SLC16A7: variants seen among roughly 807,000 people sequenced by gnomAD.
SLC16A7 encodes solute carrier family 16 member 7.
Under a neutral mutation model 34.9 loss-of-function variants are expected in SLC16A7, and 33 were observed. The ratio of observed to expected loss-of-function variants is 0.94; its 90% confidence interval spans 0.72 to 1.26. The LOEUF is 1.26. Among genes scored for constraint, SLC16A7 ranks in the 50% most tolerant of loss-of-function variants. SLC16A7 has a pLI of 0.00. For synonymous variants in SLC16A7, 201 were observed against 206.6 expected (o/e 0.97, Z 0.23); for missense variants, 573 against 578.1 (o/e 0.99, Z 0.09).
At position 59,684,172 on chromosome 12, in the gene SLC16A7, T is replaced by A. The variant is rs144304423; in HGVS notation, c.-30-20600T>A. Among the ~76,000 whole-genome samples, 615 of 152,300 alleles carry A rather than the reference T, an allele frequency of 4.0e-3. 8 individuals carry two copies. The highest frequency in any genetic ancestry group is 0.013 in the African/African-American group (538 of 41,562). On this transcript the variant is annotated intron_variant, in intron 2 of 5. Coordinates refer to ENST00000547379, the MANE Select transcript of SLC16A7 (RefSeq NM_001270623.2). ...ATAAAGGCAACTCTAAAAGAGGACA[T>A]TTTTCCTACTTTTTCTAGGCTCAGA...
intron 2 of SLC16A7, among the ~76,000 whole-genome samples, chr12:59,656,698 A>G (rs1359065632): frequency 6.6e-6 from 1 of 152,042 alleles, no homozygotes; most frequent in African/African-American, 2.4e-5. Context: ...AGACAGCCTC[A>G]GAGTAGAAAC....
intron 5 of SLC16A7, among the ~76,000 whole-genome samples, chr12:59,778,930 A>G (rs112346823): frequency 2.0e-5 from 3 of 152,200 alleles, no homozygotes; most frequent in East Asian, 1.9e-4. Flanking sequence ...TTAGGCTAGT[A>G]TGGGGCATAG....
intron 1 of SLC16A7, among the ~76,000 whole-genome samples, chr12:59,603,614 T>C (rs2136957960): frequency 1.3e-5 from 2 of 152,358 alleles, no homozygotes; most frequent in South Asian, 4.1e-4. Context: ...ATTATGTTTA[T>C]AATGTCTTAT....
At chr12:59,625,423 G>T (rs1372867607) in intron 1 of SLC16A7, among the ~76,000 whole-genome samples, 1 of 151,822 alleles carries the variant, frequency 6.6e-6, no homozygotes, top group Admixed American at 6.6e-5. Flanking sequence ...TTTAAGAATA[G>T]TATATATTAC....
intron 3 of SLC16A7, among the ~76,000 whole-genome samples, chr12:59,706,587 A>G (rs915826451): frequency 6.6e-6 from 1 of 152,058 alleles, no homozygotes. Context: ...TCTCCTTTGG[A>G]CAGTTGCTTT....
chr12:59,686,734 C>CT (rs1006581874), intron 2 of SLC16A7, among the ~76,000 whole-genome samples: 1 of 152,098 alleles, frequency 6.6e-6, no homozygotes, highest in Non-Finnish European at 1.5e-5. Flanking sequence ...CCATTGATCT[C>CT]TTTTCCCTGC....
chr12:59,779,688 A>ACAT lies in SLC16A7; in HGVS notation c.*11_*13dup. 2 of 1,599,768 alleles carry ACAT rather than the reference A, an allele frequency of 1.3e-6. No homozygotes were observed. The highest frequency in any genetic ancestry group is 1.7e-6 in the Non-Finnish European group (2 of 1,171,534). The stretch of plus-strand genomic sequence containing the variant: ...GAGAAACTAACATTTAACAAGAATC[A>ACAT]CATCTCTGATTTCAGTGTTTATGAC... On this transcript the variant is annotated 3_prime_UTR_variant, in exon 6 of 6. Coordinates refer to ENST00000547379, the MANE Select transcript of SLC16A7 (RefSeq NM_001270623.2).
At chr12:59,700,645 C>T (rs560582698) in intron 2 of SLC16A7, among the ~76,000 whole-genome samples, 120 of 151,218 alleles carry the variant, frequency 7.9e-4, no homozygotes, top group African/African-American at 2.9e-3. Context: ...TACATATACA[C>T]ACGTACATAT....
intron 2 of SLC16A7, among the ~76,000 whole-genome samples, chr12:59,693,280 G>A (rs1286700253): frequency 6.6e-6 from 1 of 151,810 alleles, no homozygotes; most frequent in African/African-American, 2.4e-5. Flanking sequence ...TGGAATATTG[G>A]TAAGACTTCA....
chr12:59,750,771 T>C (rs1367633284), intron 3 of SLC16A7, among the ~76,000 whole-genome samples: 1 of 152,220 alleles, frequency 6.6e-6, no homozygotes, highest in African/African-American at 2.4e-5. Flanking sequence ...GTATGTTTAC[T>C]GTAGCACTGT....
intron 3 of SLC16A7, among the ~76,000 whole-genome samples, chr12:59,750,969 C>T (rs2706281): frequency 0.045 from 6,798 of 151,714 alleles, 487 homozygotes; most frequent in African/African-American, 0.16. Flanking sequence ...GAACAGAAAA[C>T]CAAACACCAC....
intron 2 of SLC16A7, among the ~76,000 whole-genome samples, chr12:59,694,182 T>C (rs1425923882): frequency 6.6e-6 from 1 of 151,916 alleles, no homozygotes; most frequent in East Asian, 1.9e-4. Flanking sequence ...AAAGCTACTT[T>C]TGTAGGGGGA....
rs1037383581 is a variant in SLC16A7 at position 59,785,929 on chromosome 12, G to T, written c.*6250G>T. 1 of 148,610 alleles carries T rather than the reference G, an allele frequency of 6.7e-6. No homozygotes were observed. Among genetic ancestry groups the T allele is most frequent in the Non-Finnish European group, 1.5e-5 (1 of 67,410 alleles). The allele number at this position is 148,610 out of a possible 1,614,324, so 9.2% of individuals were successfully genotyped here. ...AAATCATCATTCTCAGTAAACTATCGCAAGAACAAAAAACCAAACACCGCA... is the reference window on the plus strand; with the variant it reads ...AAATCATCATTCTCAGTAAACTATCTCAAGAACAAAAAACCAAACACCGCA... On this transcript the variant is annotated 3_prime_UTR_variant, in exon 6 of 6. Transcript: ENST00000547379.
At chr12:59,655,717 G>T (rs571080537) in intron 2 of SLC16A7, among the ~76,000 whole-genome samples, 21 of 151,396 alleles carry the variant, frequency 1.4e-4, no homozygotes, top group Non-Finnish European at 1.5e-4. Context: ...GTTTTTTTAC[G>T]TTCATATTTT....
At chr12:59,661,849 G>A (rs1444014120) in intron 2 of SLC16A7, among the ~76,000 whole-genome samples, 1 of 152,022 alleles carries the variant, frequency 6.6e-6, no homozygotes, top group African/African-American at 2.4e-5. Flanking sequence ...GGTTAAAAGT[G>A]TTGCCTTTTT....
intron 3 of SLC16A7, among the ~76,000 whole-genome samples, chr12:59,732,246 A>G (rs375455863): frequency 6.6e-6 from 1 of 151,814 alleles, no homozygotes; most frequent in South Asian, 2.1e-4. Context: ...AAGAAACCCT[A>G]TCTCTACTAA....
At chr12:59,743,604 G>T (rs185639952) in intron 3 of SLC16A7, among the ~76,000 whole-genome samples, 1 of 152,076 alleles carries the variant, frequency 6.6e-6, no homozygotes, top group South Asian at 2.1e-4. Context: ...TGTAAAAATT[G>T]TCTAAATCAA....
chr12:59,664,139 G>T (rs1310887758), intron 2 of SLC16A7, among the ~76,000 whole-genome samples: 1 of 151,986 alleles, frequency 6.6e-6, no homozygotes, highest in East Asian at 1.9e-4. Context: ...GAGCTTCAGT[G>T]TCCCCATAGG....
At chr12:59,766,704 T>C (rs996688346) in intron 3 of SLC16A7, among the ~76,000 whole-genome samples, 1 of 152,172 alleles carries the variant, frequency 6.6e-6, no homozygotes, top group Admixed American at 6.5e-5. Context: ...GTGGATAAGC[T>C]TTTTGATGTG....
Sources: gnomAD v4.1 joint callset for allele counts (sites outside exome capture counted in the v4.1 genomes callset) on GRCh38, gnomAD v4.1.1 for gene constraint, MANE v1.5 for transcripts, NCBI Gene and HGNC (gene_info 2026-07-23, HGNC 2026-07-21) for gene names.